The following SGTB variants were observed in gnomAD, a reference collection of about 807,000 sequenced individuals.
The protein encoded by SGTB is small glutamine rich tetratricopeptide repeat co-chaperone beta.
A neutral mutation model predicts 43.9 loss-of-function variants in SGTB; 19 were observed. The ratio of observed to expected loss-of-function variants is 0.43; its 90% confidence interval spans 0.30 to 0.63. SGTB has a LOEUF of 0.63. Ranked by LOEUF, SGTB falls within the 30% of genes least tolerant of loss-of-function variation. The pLI is 0.12. For synonymous variants in SGTB, 116 were observed against 117.3 expected (o/e 0.99, Z 0.07); for missense variants, 304 against 358.9 (o/e 0.85, Z 1.24).
intron 8 of SGTB, 62 bp from the exon 9 acceptor site, chr5:65,672,343 ATTT>A: frequency 1.3e-6 from 2 of 1,540,746 alleles, no homozygotes; most frequent in Non-Finnish European, 1.8e-6. Context: ...CTTAGCAAAG[ATTT>A]TTTTTTTAGA....
At chr5:65,719,518 A>T (rs1294590315) in intron 2 of SGTB, among the ~76,000 whole-genome samples, 2 of 152,104 alleles carry the variant, frequency 1.3e-5, no homozygotes, top group Admixed American at 1.3e-4. Flanking sequence ...AATTGAGCCC[A>T]GGAGGTGGAG....
At chr5:65,677,215 T>C (rs1757299236) in intron 8 of SGTB, among the ~76,000 whole-genome samples, 1 of 151,870 alleles carries the variant, frequency 6.6e-6, no homozygotes, top group South Asian at 2.1e-4. Context: ...GAAATTTTAC[T>C]AATGAATTTC....
chr5:65,697,821 C>T (rs907948131), intron 5 of SGTB, among the ~76,000 whole-genome samples: 1 of 152,138 alleles, frequency 6.6e-6, no homozygotes, highest in African/African-American at 2.4e-5. Context: ...GCCCAGGTGG[C>T]CATAGATACA....
Position 65,705,703 on chromosome 5 carries a change from A to T in SGTB, c.275-1325T>A, listed in dbSNP as rs77256878. ...ATGAATATAAAGGGTGACTGCTAATAAGCACATGGTTTTTGTTTGGGGGGT... is the reference window on the plus strand; with the variant it reads ...ATGAATATAAAGGGTGACTGCTAATTAGCACATGGTTTTTGTTTGGGGGGT... On this transcript the variant is annotated intron_variant, in intron 4 of 10. Transcript: ENST00000381007. Among the ~76,000 whole-genome samples, 1,210 of 152,184 alleles carry T rather than the reference A, an allele frequency of 8.0e-3. 12 individuals carry two copies. Among genetic ancestry groups the T allele is most frequent in the African/African-American group, 0.028 (1,153 of 41,494 alleles).
At chr5:65,709,605 T>G (rs1366797443) in intron 3 of SGTB, among the ~76,000 whole-genome samples, 1 of 152,142 alleles carries the variant, frequency 6.6e-6, no homozygotes, top group Non-Finnish European at 1.5e-5. Context: ...TCTAGATCTC[T>G]TGACCTCGTG....
Position 65,670,082 on chromosome 5 carries a change from C to T in SGTB, c.*164G>A. ...GTTTGTGATAAACCTATTGTCTAAA[C>T]AGATTTATTCTTTAAGAATATACAC... On this transcript the variant is annotated 3_prime_UTR_variant, in exon 11 of 11. Coordinates refer to ENST00000381007, the MANE Select transcript of SGTB (RefSeq NM_019072.3). 1 of 570,698 alleles carries T rather than the reference C, an allele frequency of 1.8e-6. No homozygotes were observed. The highest frequency in any genetic ancestry group is 3.0e-6 in the Non-Finnish European group (1 of 329,432). 35.4% of individuals were successfully genotyped at this position (570,698 alleles called of 1,614,324 possible).
intron 8 of SGTB, among the ~76,000 whole-genome samples, chr5:65,679,791 G>C (rs751346794): frequency 6.6e-6 from 1 of 152,178 alleles, no homozygotes; most frequent in South Asian, 2.1e-4. Flanking sequence ...AATACCATTC[G>C]ACCCAGCAAT....
intron 5 of SGTB, among the ~76,000 whole-genome samples, chr5:65,691,735 T>C (rs1757613694): frequency 2.0e-5 from 3 of 150,978 alleles, no homozygotes; most frequent in Non-Finnish European, 3.0e-5. Context: ...GGTCAGGAGA[T>C]CGAGACCATC....
chr5:65,670,377 TG>T lies in SGTB; in HGVS notation c.804-21del. 6.3e-7 allele frequency: 1 copy of T among 1,596,926 alleles called. No individual in the cohort carries two copies. Among genetic ancestry groups the T allele is most frequent in the Non-Finnish European group, 8.6e-7 (1 of 1,165,002 alleles). On this transcript the variant is annotated intron_variant, in intron 10 of 10. Transcript: ENST00000381007. ...TGTCCCCTGTAGTAAAGAGGCAATG[TG>T]GTTTGAATAGGGAATTGCCAGTCAC...
intron 9 of SGTB, 97 bp from the exon 10 acceptor site, chr5:65,672,095 C>G (rs1757170236): frequency 6.4e-7 from 1 of 1,572,982 alleles, no homozygotes; most frequent in Non-Finnish European, 8.7e-7. Flanking sequence ...CCATGTTATA[C>G]CAGAGGCTAG....
intron 6 of SGTB, among the ~76,000 whole-genome samples, chr5:65,681,992 A>G (rs1447971532): frequency 6.6e-6 from 1 of 151,882 alleles, no homozygotes; most frequent in African/African-American, 2.4e-5. Flanking sequence ...AAAAAAAGAT[A>G]AAGTTTTCTG....
chr5:65,669,418 G>A lies in SGTB; in HGVS notation c.*828C>T. On this transcript the variant is annotated 3_prime_UTR_variant, in exon 11 of 11. Transcript: ENST00000381007. ...AGGTAAGGTTACCATTGGGGAAATT[G>A]TGATAATTAAGTCAAACAGTTGTAC... The A allele has an allele frequency of 6.6e-6, 1 of 152,152 alleles. No individual in the cohort carries two copies. The highest frequency in any genetic ancestry group is 6.5e-5 in the Admixed American group (1 of 15,278). 9.4% of individuals were successfully genotyped at this position (152,152 alleles called of 1,614,324 possible).
intron 5 of SGTB, among the ~76,000 whole-genome samples, chr5:65,692,062 G>C (rs1051093955): frequency 5.9e-5 from 9 of 151,942 alleles, no homozygotes; most frequent in Admixed American, 5.9e-4. Flanking sequence ...ATAACATATT[G>C]AATAGCGAAT....
At chr5:65,674,277 C>T (rs1757221426) in intron 8 of SGTB, among the ~76,000 whole-genome samples, 2 of 152,162 alleles carry the variant, frequency 1.3e-5, no homozygotes, top group African/African-American at 4.8e-5. Context: ...ATGACTTTCC[C>T]TTCAGTCTTA....
chr5:65,717,453 G>C (rs1391146062), intron 2 of SGTB, among the ~76,000 whole-genome samples: 1 of 151,610 alleles, frequency 6.6e-6, no homozygotes, highest in Non-Finnish European at 1.5e-5. Context: ...CCTGGAGTAG[G>C]TGAGACAGGA....
intron 2 of SGTB, among the ~76,000 whole-genome samples, chr5:65,716,685 G>A (rs912044676): frequency 2.0e-5 from 3 of 152,008 alleles, no homozygotes; most frequent in African/African-American, 7.2e-5. Context: ...TTTGGGTGGG[G>A]GAATCAGAAG....
intron 5 of SGTB, among the ~76,000 whole-genome samples, chr5:65,699,456 G>T (rs1447047427): frequency 3.9e-5 from 6 of 152,284 alleles, no homozygotes; most frequent in African/African-American, 1.4e-4. Context: ...TCGGGTGATA[G>T]TTTCACTAAA....
upstream of SGTB, chr5:65,722,453 G>C: frequency 1.3e-6 from 2 of 1,552,688 alleles, no homozygotes; most frequent in Non-Finnish European, 1.7e-6. Flanking sequence ...CCGTGGGCAG[G>C]GCGGGGTCTT....
At position 65,718,830 on chromosome 5, in the gene SGTB, A is replaced by C. The variant is rs1230134412; in HGVS notation, c.100+1878T>G. 1.3e-5 allele frequency among the ~76,000 whole-genome samples: 2 copies of C among 150,438 alleles called. 1 individual carries two copies. Among genetic ancestry groups the C allele is most frequent in the Admixed American group, 1.3e-4 (2 of 15,026 alleles). On this transcript the variant is annotated intron_variant, in intron 2 of 10. Coordinates refer to ENST00000381007, the MANE Select transcript of SGTB (RefSeq NM_019072.3). ...ATATTTTTGGCTGAATACCATCCTAAAAATAGGACATAACATCTTGGTTTG... is the reference window on the plus strand; with the variant it reads ...ATATTTTTGGCTGAATACCATCCTACAAATAGGACATAACATCTTGGTTTG...
Sources: allele counts gnomAD v4.1 joint callset (sites outside exome capture counted in the v4.1 genomes callset), GRCh38; gene constraint gnomAD v4.1.1; transcripts MANE v1.5; gene names NCBI Gene and HGNC (gene_info 2026-07-23, HGNC 2026-07-21).